Variants in ZFHX3 observed in about 807,000 individuals in gnomAD.
The protein encoded by ZFHX3 is zinc finger homeobox 3.
Under a neutral mutation model 279.1 loss-of-function variants are expected in ZFHX3, and 42 were observed. The ratio of observed to expected loss-of-function variants is 0.15; its 90% confidence interval spans 0.12 to 0.19. ZFHX3 has a LOEUF of 0.19. Ranked by LOEUF, ZFHX3 falls within the 10% of genes least tolerant of loss-of-function variation. The pLI, the probability that ZFHX3 is intolerant of heterozygous loss-of-function variation, is 1.00. For synonymous variants in ZFHX3, 2,293 were observed against 1,957.8 expected, an observed-to-expected ratio of 1.17 and a Z score of -4.52; for missense variants, 4,981 against 4,754.0, an observed-to-expected ratio of 1.05 and a Z score of -1.40.
chr16:73,248,840 C>T (rs1038634961), intron 5 of ZFHX3, among the ~76,000 whole-genome samples: 6 of 151,736 alleles, frequency 4.0e-5, no homozygotes, highest in Non-Finnish European at 5.9e-5. Context: ...TGTTTTTATT[C>T]CAAAAGACTG....
chr16:73,821,236 T>C (rs374999507), intron 1 of ZFHX3, among the ~76,000 whole-genome samples: 3 of 152,336 alleles, frequency 2.0e-5, no homozygotes, highest in African/African-American at 7.2e-5. Context: ...TGACCTCTGA[T>C]TTCCAGAGTC....
At chr16:73,625,546 G>A (rs900804806) in intron 2 of ZFHX3, among the ~76,000 whole-genome samples, 3 of 152,238 alleles carry the variant, frequency 2.0e-5, no homozygotes, top group African/African-American at 4.8e-5. Flanking sequence ...TAATACTCGT[G>A]TATTTTTGGA....
At chr16:73,526,130 T>C (rs1263449926) in intron 2 of ZFHX3, among the ~76,000 whole-genome samples, 1 of 152,232 alleles carries the variant, frequency 6.6e-6, no homozygotes, top group Non-Finnish European at 1.5e-5. Context: ...TGCCGCACAA[T>C]GGCCAGCGTG....
At chr16:72,944,264 G>A (rs566065900) in intron 3 of ZFHX3, among the ~76,000 whole-genome samples, 19 of 152,296 alleles carry the variant, frequency 1.2e-4, no homozygotes, top group East Asian at 5.8e-4. Flanking sequence ...CCATGTGAGC[G>A]ACAGAGTGAG....
intron 2 of ZFHX3, among the ~76,000 whole-genome samples, chr16:73,501,533 C>T (rs1487495456): frequency 1.3e-5 from 2 of 152,088 alleles, no homozygotes; most frequent in African/African-American, 2.4e-5. Context: ...TATGGGTCAC[C>T]GTCAATAATC....
At chr16:73,714,723 A>C (rs1180367837) in intron 1 of ZFHX3, among the ~76,000 whole-genome samples, 1 of 152,108 alleles carries the variant, frequency 6.6e-6, no homozygotes, top group East Asian at 1.9e-4. Context: ...GACTACGATT[A>C]TTTTTGATGT....
At chr16:73,228,403 G>A (rs1002752003) in intron 5 of ZFHX3, among the ~76,000 whole-genome samples, 12 of 152,278 alleles carry the variant, frequency 7.9e-5, no homozygotes, top group South Asian at 2.1e-4. Context: ...TGGCTCACGC[G>A]TATAATCCCA....
chr16:73,820,748 T>C (rs960856630), intron 1 of ZFHX3, among the ~76,000 whole-genome samples: 1 of 151,960 alleles, frequency 6.6e-6, no homozygotes, highest in African/African-American at 2.4e-5. Context: ...TACAGCAATA[T>C]GTAACTGGAA....
At chr16:73,505,385 C>G (rs138423063) in intron 2 of ZFHX3, among the ~76,000 whole-genome samples, 25 of 152,148 alleles carry the variant, frequency 1.6e-4, no homozygotes, top group African/African-American at 5.8e-4. Context: ...ACCACTTGTT[C>G]ACTTTCTCTT....
chr16:73,780,537 G>A (rs111232616), intron 1 of ZFHX3, among the ~76,000 whole-genome samples: 6 of 151,814 alleles, frequency 4.0e-5, no homozygotes, highest in Non-Finnish European at 7.4e-5. Flanking sequence ...CTGACGCCTG[G>A]GTTCAAGCAT....
chr16:72,810,751 C>T (rs2036421053), intron 7 of ZFHX3, among the ~76,000 whole-genome samples: 2 of 152,196 alleles, frequency 1.3e-5, no homozygotes, highest in Admixed American at 1.3e-4. Flanking sequence ...CTGAGAAACT[C>T]CCTACCCTAG....
intron 1 of ZFHX3, among the ~76,000 whole-genome samples, chr16:73,877,051 C>A (rs1213211062): frequency 8.2e-5 from 12 of 147,130 alleles, no homozygotes; most frequent in Admixed American, 6.8e-5. Context: ...AAAAAAAAAA[C>A]AACAACAACA....
At chr16:73,300,219 C>G (rs994162674) in intron 4 of ZFHX3, among the ~76,000 whole-genome samples, 1 of 149,160 alleles carries the variant, frequency 6.7e-6, no homozygotes, top group African/African-American at 2.5e-5. Flanking sequence ...ACCTAGAATG[C>G]CCCACTGCAC....
intron 1 of ZFHX3, among the ~76,000 whole-genome samples, chr16:72,961,415 C>T (rs867803676): frequency 9.2e-5 from 14 of 152,298 alleles, no homozygotes; most frequent in Admixed American, 2.0e-4. Context: ...ATCGCAGGGG[C>T]GATCATTCCG....
At chr16:73,550,977 G>A (rs1026657792) in intron 2 of ZFHX3, among the ~76,000 whole-genome samples, 1 of 152,162 alleles carries the variant, frequency 6.6e-6, no homozygotes, top group African/African-American at 2.4e-5. Flanking sequence ...TGAATCTAAA[G>A]TACAAACTAA....
At chr16:73,209,680 T>C (rs1197766969) in intron 5 of ZFHX3, among the ~76,000 whole-genome samples, 1 of 152,202 alleles carries the variant, frequency 6.6e-6, no homozygotes, top group Non-Finnish European at 1.5e-5. Context: ...TGCATTTTTG[T>C]AAATCTTTGG....
intron 3 of ZFHX3, among the ~76,000 whole-genome samples, chr16:73,360,895 T>A (rs1181423811): frequency 6.6e-6 from 1 of 151,808 alleles, no homozygotes; most frequent in Non-Finnish European, 1.5e-5. Context: ...CGTGCAGGGA[T>A]CCATGCAAAA....
At chr16:73,208,009 T>C (rs2011871643) in intron 5 of ZFHX3, among the ~76,000 whole-genome samples, 1 of 152,178 alleles carries the variant, frequency 6.6e-6, no homozygotes, top group Admixed American at 6.6e-5. Flanking sequence ...TTCTCTGCAC[T>C]ATCTCCTAGA....
At chr16:73,012,632 G>A (rs1443215700) in intron 1 of ZFHX3, among the ~76,000 whole-genome samples, 1 of 152,118 alleles carries the variant, frequency 6.6e-6, no homozygotes, top group African/African-American at 2.4e-5. Context: ...CTTAATCTAG[G>A]CAGCTGGAGA....
Sources: allele counts gnomAD v4.1 joint callset (sites outside exome capture counted in the v4.1 genomes callset), GRCh38; gene constraint gnomAD v4.1.1; transcripts MANE v1.5; gene names NCBI Gene and HGNC (gene_info 2026-07-23, HGNC 2026-07-21).